The following FSTL4 variants were observed in gnomAD, a reference collection of about 807,000 sequenced individuals.
The protein encoded by FSTL4 is follistatin-related protein 4.
In FSTL4, 28 loss-of-function variants were observed where a neutral mutation model predicts 78.2. The ratio of observed to expected loss-of-function variants is 0.36; its 90% CI spans 0.27 to 0.49. The LOEUF (loss-of-function observed/expected upper bound fraction) is 0.49. Among genes scored for constraint, FSTL4 ranks in the 20% least tolerant of loss-of-function variants. FSTL4 has a pLI of 0.98. For missense variants in FSTL4, 922 were observed against 1,084.9 expected (o/e 0.85, Z 2.11); for synonymous variants, 422 against 440.5 (o/e 0.96, Z 0.53).
At chr5:133,755,432 C>T in the FSTL4 span, among the ~76,000 whole-genome samples, 1 of 152,200 alleles carries the variant, frequency 6.6e-6, no homozygotes, top group African/African-American at 2.4e-5. Context: ...CCTTCCTCCA[C>T]CAGCTCTCTT....
chr5:133,534,878 C>A (rs1369207102), intron 3 of FSTL4, among the ~76,000 whole-genome samples: 1 of 152,082 alleles, frequency 6.6e-6, no homozygotes, highest in Non-Finnish European at 1.5e-5. Context: ...TCCTTTTCAT[C>A]CTTTTAATAT....
At chr5:133,512,989 T>C (rs1388755617) in intron 3 of FSTL4, among the ~76,000 whole-genome samples, 1 of 152,096 alleles carries the variant, frequency 6.6e-6, no homozygotes, top group Non-Finnish European at 1.5e-5. Flanking sequence ...GGCTAATTTT[T>C]ATATTACTTT....
Position 133,592,458 on chromosome 5 carries a change from G to A in FSTL4, c.126+11400C>T, listed in dbSNP as rs116295442. Among the ~76,000 whole-genome samples the A allele has an allele frequency of 7.9e-3, 1,202 of 152,256 alleles. 19 individuals are homozygous for A. Among genetic ancestry groups the A allele is most frequent in the African/African-American group, 0.028 (1,147 of 41,538 alleles). On this transcript the variant is annotated intron_variant, in intron 2 of 15. Coordinates refer to ENST00000265342, the MANE Select transcript of FSTL4 (RefSeq NM_015082.2). ...ACCATTCTCATCTGGAATGGATAAC[G>A]AATCACAGATAATTTTGTTCTAGTC... is the stretch of plus-strand genomic sequence containing the variant.
rs1755331308 is a variant in FSTL4 at position 133,372,384 on chromosome 5, T to C, written c.409+28354A>G. 2.6e-5 allele frequency among the ~76,000 whole-genome samples: 4 copies of C among 152,102 alleles called. No homozygotes were observed. In the South Asian group the frequency reaches 8.3e-4, roughly 32 times the overall value. On this transcript the variant is annotated intron_variant, in intron 4 of 15. Coordinates refer to ENST00000265342, the MANE Select transcript of FSTL4 (RefSeq NM_015082.2). Reference sequence around the variant, plus strand: ...GGTCACCTGTGTGTCAGAATCCCCCTAAGCACGTGACACCAAGGAGAGAAC... The same window carrying C: ...GGTCACCTGTGTGTCAGAATCCCCCCAAGCACGTGACACCAAGGAGAGAAC...
chr5:133,377,833 C>T (rs1755473101), intron 4 of FSTL4, among the ~76,000 whole-genome samples: 1 of 152,064 alleles, frequency 6.6e-6, no homozygotes, highest in Non-Finnish European at 1.5e-5. Flanking sequence ...CACAGAGATC[C>T]AGGTGCACTC....
chr5:133,816,564 C>A, the FSTL4 span, among the ~76,000 whole-genome samples: 3 of 152,098 alleles, frequency 2.0e-5, no homozygotes, highest in Non-Finnish European at 4.4e-5. Context: ...TCCCAGATAA[C>A]CCCCAGGTGA....
chr5:133,737,294 C>G, the FSTL4 span, among the ~76,000 whole-genome samples: 62 of 151,048 alleles, frequency 4.1e-4, no homozygotes, highest in African/African-American at 1.5e-3. Context: ...TCCTTTTACT[C>G]TCTATGTCCA....
chr5:133,454,075 A>C (rs1481880027), intron 3 of FSTL4, among the ~76,000 whole-genome samples: 1 of 152,022 alleles, frequency 6.6e-6, no homozygotes, highest in Non-Finnish European at 1.5e-5. Context: ...AATATATTAC[A>C]TGAGGATAAT....
At chr5:133,486,348 C>T (rs1361424508) in intron 3 of FSTL4, among the ~76,000 whole-genome samples, 5 of 131,602 alleles carry the variant, frequency 3.8e-5, no homozygotes, top group Non-Finnish European at 7.9e-5. Flanking sequence ...TGATGAAGAG[C>T]GGGAGGGAGA....
At chr5:133,312,461 T>G (rs1366296018) in intron 6 of FSTL4, 193 bp downstream of exon 6, 1 of 602,248 alleles carries the variant, frequency 1.7e-6, no homozygotes, top group East Asian at 2.8e-5. Context: ...GGGCAAGCCC[T>G]CTCTGGCCCC....
In FSTL4 at chr5:133,527,847, G is replaced by A. The variant is rs1759168695; in HGVS notation, c.160+39339C>T. ...ACAAAAGAGTCCAAGTAACCCCCCT[G>A]ATATCCAGGGGTCAGCCACCCCACA... On this transcript the variant is annotated intron_variant, in intron 3 of 15. Coordinates refer to ENST00000265342, the MANE Select transcript of FSTL4 (RefSeq NM_015082.2). 1.3e-5 allele frequency among the ~76,000 whole-genome samples: 2 copies of A among 152,266 alleles called. 1 individual carries two copies. Among genetic ancestry groups the A allele is most frequent in the South Asian group, 4.2e-4 (2 of 4,814 alleles).
chr5:133,732,680 C>T, the FSTL4 span, among the ~76,000 whole-genome samples: 1 of 152,216 alleles, frequency 6.6e-6, no homozygotes, highest in Non-Finnish European at 1.5e-5. Context: ...GCTCCAGATC[C>T]TGCGCTTGCC....
chr5:133,384,372 C>A (rs6865776), intron 4 of FSTL4, among the ~76,000 whole-genome samples: 71,697 of 151,736 alleles, frequency 0.47, 17,833 homozygotes, highest in African/African-American at 0.57. Flanking sequence ...TGACACTTTC[C>A]CAGGACTGTT....
intron 4 of FSTL4, among the ~76,000 whole-genome samples, chr5:133,320,558 G>C (rs11749247): frequency 0.66 from 99,718 of 152,102 alleles, 32,991 homozygotes; most frequent in Middle Eastern, 0.73. Flanking sequence ...CCAGATGCAG[G>C]TGCTGTCAAC....
intron 3 of FSTL4, among the ~76,000 whole-genome samples, chr5:133,428,938 T>G (rs1324210523): frequency 3.9e-5 from 6 of 152,152 alleles, no homozygotes; most frequent in Non-Finnish European, 8.8e-5. Context: ...CTTCCCCAAG[T>G]CTCAGCTGTA....
At chr5:133,534,549 T>C (rs1430284442) in intron 3 of FSTL4, among the ~76,000 whole-genome samples, 2 of 152,194 alleles carry the variant, frequency 1.3e-5, no homozygotes, top group Non-Finnish European at 2.9e-5. Context: ...ATGACTATTA[T>C]TGTGGAACCA....
At chr5:133,446,519 C>T (rs1757268632) in intron 3 of FSTL4, among the ~76,000 whole-genome samples, 1 of 152,286 alleles carries the variant, frequency 6.6e-6, no homozygotes, top group Non-Finnish European at 1.5e-5. Flanking sequence ...CTTCTGCTCC[C>T]AACTTGCTGA....
At position 133,361,937 on chromosome 5, in the gene FSTL4, T is replaced by C. The variant is rs1406685104; in HGVS notation, c.409+38801A>G. ...ACGTAGTTGAAAACATATTTATAAT[T>C]ATTTGAGCCTAGAACCTAACTCTAG... On this transcript the variant is annotated intron_variant, in intron 4 of 15. Transcript: ENST00000265342. This position sits in a 1 kb window ranked among gnomAD's most constrained non-coding sequence, Gnocchi z 4.3. Among the ~76,000 whole-genome samples, 3 of 152,264 alleles carry C rather than the reference T, an allele frequency of 2.0e-5. No individual in the cohort carries two copies. In the East Asian group the frequency reaches 5.8e-4, roughly 29 times the overall value.
At chr5:133,614,924 G>A (rs1761171879), upstream of FSTL4, among the ~76,000 whole-genome samples, 1 of 152,172 alleles carries the variant, frequency 6.6e-6, no homozygotes, top group Non-Finnish European at 1.5e-5. Flanking sequence ...AAAAGTTTAA[G>A]CAACCCAAAT....
Sources: gnomAD v4.1 joint callset for allele counts (sites outside exome capture counted in the v4.1 genomes callset) on GRCh38, gnomAD v4.1.1 for gene constraint, Gnocchi (gnomAD v3.1) non-coding constraint, MANE v1.5 for transcripts, NCBI Gene and HGNC (gene_info 2026-07-23, HGNC 2026-07-21) for gene names.